EXOC6: variants seen among roughly 807,000 people sequenced by gnomAD.
The protein encoded by EXOC6 is SEC15-like 1.
In EXOC6, 60 loss-of-function variants were observed where a neutral mutation model predicts 112.5. The observed-to-expected ratio is 0.53, with a 90% CI of 0.43 to 0.66. The LOEUF is 0.66. Ranked by LOEUF, EXOC6 falls within the 30% of genes least tolerant of loss-of-function variation. The pLI, the probability that EXOC6 is intolerant of heterozygous loss-of-function variation, is 0.00. For missense variants in EXOC6, 855 were observed against 957.1 expected (o/e 0.89, Z 1.41); for synonymous variants, 295 against 308.0 (o/e 0.96, Z 0.44).
At chr10:92,873,711 G>A (rs1176418958) in intron 1 of EXOC6, among the ~76,000 whole-genome samples, 2 of 152,056 alleles carry the variant, frequency 1.3e-5, no homozygotes, top group African/African-American at 4.8e-5. Flanking sequence ...TAGAACGTGA[G>A]TTTTATGTAA....
At chr10:92,835,942 C>T (rs1589667748) in intron 1 of EXOC6, among the ~76,000 whole-genome samples, 1 of 152,272 alleles carries the variant, frequency 6.6e-6, no homozygotes, top group Non-Finnish European at 1.5e-5. Context: ...AGCTTTGTAG[C>T]AATGGAAAAC....
intron 18 of EXOC6, among the ~76,000 whole-genome samples, chr10:92,976,348 T>C (rs1334372526): frequency 6.6e-6 from 1 of 152,198 alleles, no homozygotes; most frequent in Non-Finnish European, 1.5e-5. Context: ...CTTATCCTGT[T>C]GATCTGTGAC....
At chr10:92,955,983 C>T (rs1853674550) in intron 17 of EXOC6, among the ~76,000 whole-genome samples, 1 of 152,048 alleles carries the variant, frequency 6.6e-6, no homozygotes, top group African/African-American at 2.4e-5. Context: ...CTAGGTCTAA[C>T]TGAATTAATA....
intron 18 of EXOC6, among the ~76,000 whole-genome samples, chr10:92,975,832 G>T (rs1353470077): frequency 1.2e-4 from 17 of 137,764 alleles, no homozygotes; most frequent in East Asian, 4.7e-4. Flanking sequence ...CCCCGTCCGG[G>T]AGGTGAGGGG....
At chr10:92,953,551 G>A (rs1217037295) in intron 15 of EXOC6, among the ~76,000 whole-genome samples, 1 of 152,198 alleles carries the variant, frequency 6.6e-6, no homozygotes, top group Non-Finnish European at 1.5e-5. Context: ...GTTCAGGGGA[G>A]AGGTGCTACT....
chr10:92,829,586 G>T (rs1481925043), intron 1 of EXOC6, among the ~76,000 whole-genome samples: 1 of 152,192 alleles, frequency 6.6e-6, no homozygotes, highest in Non-Finnish European at 1.5e-5. Flanking sequence ...GTGAATTGTA[G>T]AGGGGGCACC....
intron 18 of EXOC6, among the ~76,000 whole-genome samples, chr10:92,995,851 T>C (rs1224936747): frequency 6.6e-6 from 1 of 152,238 alleles, no homozygotes; most frequent in African/African-American, 2.4e-5. Flanking sequence ...GTTTCACATA[T>C]GCAGTTTTTC....
chr10:92,997,010 T>G (rs924679520), intron 18 of EXOC6, among the ~76,000 whole-genome samples: 4 of 152,194 alleles, frequency 2.6e-5, no homozygotes, highest in African/African-American at 9.7e-5. Context: ...TTAGCTGTAA[T>G]TTAAATAGCA....
At chr10:92,974,847 T>C (rs1241222361) in intron 18 of EXOC6, among the ~76,000 whole-genome samples, 2 of 151,974 alleles carry the variant, frequency 1.3e-5, no homozygotes, top group African/African-American at 2.4e-5. Flanking sequence ...GGATTGCAGA[T>C]GGAGTCTGGT....
chr10:93,057,433 A>G (rs777709645), intron 21 of EXOC6, among the ~76,000 whole-genome samples: 6 of 152,116 alleles, frequency 3.9e-5, no homozygotes, highest in Non-Finnish European at 8.8e-5. Flanking sequence ...TCTTAGCATT[A>G]TGGACTTGGA....
chr10:92,830,769 T>G (rs534729605), upstream of EXOC6, among the ~76,000 whole-genome samples: 2 of 152,286 alleles, frequency 1.3e-5, no homozygotes, highest in East Asian at 3.9e-4. Context: ...CTTAAACTTC[T>G]CTTGTCAGTG....
chr10:92,938,774 T>A (rs973750663), intron 12 of EXOC6, among the ~76,000 whole-genome samples: 1 of 152,106 alleles, frequency 6.6e-6, no homozygotes, highest in African/African-American at 2.4e-5. Flanking sequence ...ACAGTTTACT[T>A]ACTTGTAAAC....
In EXOC6 at chr10:92,915,885, T is replaced by C; in HGVS notation, c.791T>C (p.Leu264Pro). 6.5e-7 allele frequency: 1 copy of C among 1,545,146 alleles called. No homozygotes were observed. Among genetic ancestry groups the C allele is most frequent in the Non-Finnish European group, 8.6e-7 (1 of 1,156,500 alleles). ...AATGAAACTGTATTGAAACATTCAC[T>C]TGAAGAAGAGGATGAGAATGAAGAA... ...ERNETVLKHS[L>P]EEEDENEEEI... The change falls in exon 7 of 22, where the codon CTT (leucine) becomes CCT (proline). Residue 264 changes from leucine (L) to proline (P), a missense_variant. Physicochemically the swap from Leu to Pro is moderately conservative, Grantham distance 98. Coordinates refer to ENST00000260762, the MANE Select transcript of EXOC6 (RefSeq NM_019053.6).
rs201510868 is a variant in EXOC6, at chr10:92,915,758, G to A, written c.664G>A (p.Ala222Thr). 165 of 1,513,254 alleles carry A rather than the reference G, an allele frequency of 1.1e-4. No individual in the cohort carries two copies. The highest frequency in any genetic ancestry group is 1.4e-4 in the Non-Finnish European group (155 of 1,142,316). The allele number at this position is 1,513,254 out of a possible 1,614,324, so 93.7% of individuals were successfully genotyped here. A position where few individuals can be genotyped will look rare whatever the true frequency, so the allele number is the denominator to read the frequency against. Residue 222 changes from alanine (A) to threonine (T), a missense_variant and splice_region_variant, in exon 7 of 22, where the codon GCA becomes ACA. This residue lies in a region of EXOC6 where 405 missense variants were observed against 393.6 expected (regional missense o/e 1.03). Coordinates refer to ENST00000260762, the MANE Select transcript of EXOC6 (RefSeq NM_019053.6). ...DKIGETAMKQ[A>T]QHQKTFSVSL... Reference sequence around the variant, plus strand: ...CTGAATTTCTCTCTCTTCAAAATAGGCACAGCATCAGAAAACCTTCAGTGT... The same window carrying A: ...CTGAATTTCTCTCTCTTCAAAATAGACACAGCATCAGAAAACCTTCAGTGT...
chr10:92,903,209 G>A (rs749544957), intron 5 of EXOC6, among the ~76,000 whole-genome samples: 2 of 151,836 alleles, frequency 1.3e-5, no homozygotes, highest in Non-Finnish European at 2.9e-5. Flanking sequence ...GCTTCCATTA[G>A]CAATGTATTA....
chr10:92,929,074 G>A (rs1393991710), intron 9 of EXOC6, among the ~76,000 whole-genome samples: 1 of 152,220 alleles, frequency 6.6e-6, no homozygotes, highest in Non-Finnish European at 1.5e-5. Context: ...ATTGGGTACA[G>A]AGGGCTAAGC....
At chr10:93,014,332 T>C in intron 20 of EXOC6, 65 bp downstream of exon 20, 1 of 1,242,112 alleles carries the variant, frequency 8.1e-7, no homozygotes, top group Non-Finnish European at 1.2e-6. Flanking sequence ...TCACTTTTTT[T>C]TTTTATTAAT....
intron 20 of EXOC6, among the ~76,000 whole-genome samples, chr10:93,051,210 C>T (rs891789274): frequency 6.6e-6 from 1 of 150,986 alleles, no homozygotes; most frequent in Non-Finnish European, 1.5e-5. Flanking sequence ...ATTAGCTTAG[C>T]ATAAAAAAAT....
At position 92,869,219 on chromosome 10, in the gene EXOC6, T is replaced by G. The variant is rs746176757; in HGVS notation, c.101+20585T>G. 5.3e-5 allele frequency among the ~76,000 whole-genome samples: 8 copies of G among 151,938 alleles called. 1 individual carries two copies. The highest frequency in any genetic ancestry group is 1.3e-4 in the Admixed American group (2 of 15,266). On this transcript the variant is annotated intron_variant, in intron 1 of 21. Coordinates refer to ENST00000260762, the MANE Select transcript of EXOC6 (RefSeq NM_019053.6). ...GGTCTTACCCTGTTGCCTAGGCTGG[T>G]GTCAAACTCCTGGGCTTAAGTAATC...
Sources: gnomAD v4.1 joint callset for allele counts (sites outside exome capture counted in the v4.1 genomes callset) on GRCh38, gnomAD v4.1.1 for gene constraint, gnomAD v4.1.1 regional missense constraint, MANE v1.5 for transcripts, NCBI Gene and HGNC (gene_info 2026-07-23, HGNC 2026-07-21) for gene names.